The following DNAI4 variants were observed in gnomAD, a reference collection of about 807,000 sequenced individuals.
DNAI4 encodes the protein dynein axonemal intermediate chain 4.
In DNAI4, 85 loss-of-function variants were observed where a neutral mutation model predicts 105.8. The observed-to-expected ratio is 0.80, with a 90% CI of 0.67 to 0.96. The LOEUF (loss-of-function observed/expected upper bound fraction) is 0.96, where lower values mean the gene tolerates loss of function less well. Among genes scored for constraint, DNAI4 ranks in the 40% least tolerant of loss-of-function variants. The pLI is 0.00. For missense variants in DNAI4, 1,014 were observed against 1,005.6 expected (o/e 1.01, Z -0.11); for synonymous variants, 352 against 331.5 (o/e 1.06, Z -0.67).
intron 4 of DNAI4, among the ~76,000 whole-genome samples, chr1:66,885,704 G>A (rs1035356661): frequency 1.3e-5 from 2 of 151,818 alleles, no homozygotes; most frequent in Non-Finnish European, 2.9e-5. Flanking sequence ...AAAAATAAAA[G>A]AGAAAAAAAG....
intron 1 of DNAI4, among the ~76,000 whole-genome samples, chr1:66,916,011 C>A (rs751302373): frequency 6.7e-6 from 1 of 150,326 alleles, no homozygotes; most frequent in African/African-American, 2.5e-5. Flanking sequence ...AATCCATCTA[C>A]CTGGGAGACT....
At chr1:66,922,252 AGCAAAG>A (rs1309262276) in intron 1 of DNAI4, among the ~76,000 whole-genome samples, 1 of 152,198 alleles carries the variant, frequency 6.6e-6, no homozygotes, top group Non-Finnish European at 1.5e-5. Context: ...GAAAAATTCA[AGCAAAG>A]GTGAGGGACT....
chr1:66,910,721 A>G (rs1414405054), intron 1 of DNAI4, among the ~76,000 whole-genome samples: 1 of 152,162 alleles, frequency 6.6e-6, no homozygotes, highest in Non-Finnish European at 1.5e-5. Flanking sequence ...ACTATCTAAC[A>G]TAGTATATCT....
chr1:66,924,112 G>C (rs563867783), intron 1 of DNAI4, among the ~76,000 whole-genome samples: 12 of 152,332 alleles, frequency 7.9e-5, no homozygotes, highest in African/African-American at 2.9e-4. Context: ...AACTAGAAGT[G>C]CTAGAACGAT....
At chr1:66,902,278 T>C (rs1648888416) in intron 2 of DNAI4, among the ~76,000 whole-genome samples, 3 of 152,224 alleles carry the variant, frequency 2.0e-5, no homozygotes, top group Admixed American at 2.0e-4. Flanking sequence ...AAGTGGTGTC[T>C]TACTGTGATT....
intron 4 of DNAI4, among the ~76,000 whole-genome samples, chr1:66,878,221 T>C (rs1389170372): frequency 6.6e-6 from 1 of 152,224 alleles, no homozygotes; most frequent in Non-Finnish European, 1.5e-5. Flanking sequence ...TTTTATAATT[T>C]GGGTTATAAT....
chr1:66,844,261 T>C (rs1247393302), intron 8 of DNAI4, among the ~76,000 whole-genome samples: 1 of 151,992 alleles, frequency 6.6e-6, no homozygotes, highest in Admixed American at 6.6e-5. Flanking sequence ...ACAATAAATA[T>C]ATTAAAAATA....
At chr1:66,893,099 A>AAGAAAGAAAGAAAGAT (rs1557965658) in intron 3 of DNAI4, 130 bp downstream of exon 3, 1 of 447,172 alleles carries the variant, frequency 2.2e-6, no homozygotes, top group Non-Finnish European at 3.8e-6. Flanking sequence ...GAAAGAAAGA[A>AAGAAAGAAAGAAAGAT]AGAAAGAAAG....
chr1:66,904,022 T>TGTATATATATATATATGC lies in DNAI4; in HGVS notation c.345+1178_345+1179insGCATATATATATATATAC, dbSNP rs1553230125. Among the ~76,000 whole-genome samples the TGTATATATATATATATGC allele has an allele frequency of 1.4e-3, 218 of 151,476 alleles. 2 individuals are homozygous for TGTATATATATATATATGC. The highest frequency in any genetic ancestry group is 0.014 in the South Asian group (67 of 4,820). ...ATAAATGAAATATAGTTTGTGTGTG[T>TGTATATATATATATATGC]ATATATACATATGCATATATATTTA... On this transcript the variant is annotated intron_variant, in intron 2 of 16. Coordinates refer to ENST00000371026, the MANE Select transcript of DNAI4 (RefSeq NM_024763.5).
chr1:66,857,786 A>G (rs1204419130), intron 7 of DNAI4, among the ~76,000 whole-genome samples: 1 of 152,120 alleles, frequency 6.6e-6, no homozygotes, highest in Admixed American at 6.5e-5. Context: ...GGTCTTGATC[A>G]TGTTGGTCAG....
intron 3 of DNAI4, among the ~76,000 whole-genome samples, chr1:66,893,011 G>GA (rs1647868430): frequency 3.9e-5 from 4 of 102,254 alleles, no homozygotes; most frequent in Admixed American, 1.0e-4. Flanking sequence ...GAAAGAGAGA[G>GA]AGGAAAGAAA....
chr1:66,842,719 GA>G (rs1646176847), intron 8 of DNAI4, among the ~76,000 whole-genome samples: 2 of 151,918 alleles, frequency 1.3e-5, no homozygotes, highest in Admixed American at 6.6e-5. Flanking sequence ...AGCTTTATAA[GA>G]AACTGCCAAA....
intron 3 of DNAI4, among the ~76,000 whole-genome samples, chr1:66,891,638 A>G (rs1160021354): frequency 6.6e-6 from 1 of 152,002 alleles, no homozygotes; most frequent in African/African-American, 2.4e-5. Flanking sequence ...ATTTTTTTGT[A>G]TTTTTAGTAG....
intron 1 of DNAI4, chr1:66,921,359 A>T (rs1164177374): frequency 6.6e-6 from 1 of 152,222 alleles, no homozygotes; most frequent in Non-Finnish European, 1.5e-5. Flanking sequence ...AAAACTGACA[A>T]ATATTTGCTT....
intron 7 of DNAI4, among the ~76,000 whole-genome samples, chr1:66,850,429 CA>C (rs969774005): frequency 1.9e-3 from 258 of 134,510 alleles, no homozygotes; most frequent in Non-Finnish European, 2.3e-3. Context: ...GAATTTGTCT[CA>C]AAAAAAAAAA....
At chr1:66,842,083 G>A (rs189172158) in intron 8 of DNAI4, among the ~76,000 whole-genome samples, 18 of 152,300 alleles carry the variant, frequency 1.2e-4, no homozygotes, top group Admixed American at 3.3e-4. Flanking sequence ...GAATCACACA[G>A]TATGTGGCCT....
rs574126592 is a variant in DNAI4, at chr1:66,826,828, A to G, written c.2331T>C (p.His777=). The G allele has an allele frequency of 1.9e-6, 3 of 1,613,870 alleles. No individual in the cohort carries two copies. In the African/African-American group the frequency reaches 4.0e-5, roughly 22 times the overall value. ...NENRVEIWDL[H]ISTLDPLIVN... ...GAAAAATAGTAACTTACGTGCTGAT[A>G]TGAAGGTCCCAAATCTCCACCCTGT... The change falls in exon 15 of 17, where the codon CAT becomes CAC. Residue 777 remains histidine (H), a synonymous_variant. Transcript: ENST00000371026.
chr1:66,903,169 T>C (rs1648965102), intron 2 of DNAI4, among the ~76,000 whole-genome samples: 1 of 152,238 alleles, frequency 6.6e-6, no homozygotes, highest in South Asian at 2.1e-4. Context: ...TTCCAATCTA[T>C]GAACAAGAAA....
chr1:66,896,303 T>C (rs913545103), intron 2 of DNAI4, among the ~76,000 whole-genome samples: 1 of 152,224 alleles, frequency 6.6e-6, no homozygotes, highest in Non-Finnish European at 1.5e-5. Context: ...AAATTCAAAA[T>C]TGAAATACAA....
Sources: allele counts gnomAD v4.1 joint callset (sites outside exome capture counted in the v4.1 genomes callset), GRCh38; gene constraint gnomAD v4.1.1; transcripts MANE v1.5; gene names NCBI Gene and HGNC (gene_info 2026-07-23, HGNC 2026-07-21).